Variants in OR51B5 observed in about 807,000 individuals in gnomAD.
OR51B5 encodes the protein olfactory receptor 51B5.
For synonymous variants in OR51B5, 186 were observed against 144.8 expected (o/e 1.28, Z -2.04); for missense variants, 456 against 374.6 (o/e 1.22, Z -1.79).
At chr11:5,489,152 T>C in intron 1 of OR51B5, 1 of 1,613,996 alleles carries the variant, frequency 6.2e-7, no homozygotes, top group Non-Finnish European at 8.5e-7. Flanking sequence ...AGAATTGGCT[T>C]TGTTGGGCTA....
chr11:5,362,699 G>A (rs535755651), intron 1 of OR51B5: 16 of 222,266 alleles, frequency 7.2e-5, no homozygotes, highest in African/African-American at 2.8e-4. Flanking sequence ...TTTGGCCATC[G>A]ACATGTTCTT....
At chr11:5,453,791 G>A in intron 1 of OR51B5, 1 of 1,614,180 alleles carries the variant, frequency 6.2e-7, no homozygotes, top group Non-Finnish European at 8.5e-7. Flanking sequence ...TAATTCAGAT[G>A]TTTCTTATTC....
intron 1 of OR51B5, among the ~76,000 whole-genome samples, chr11:5,387,336 G>T (rs138812106): frequency 2.0e-5 from 3 of 152,090 alleles, no homozygotes; most frequent in African/African-American, 7.2e-5. Context: ...TTGGCCCCTA[G>T]AAGTCACTGG....
intron 1 of OR51B5, among the ~76,000 whole-genome samples, chr11:5,415,833 A>G (rs2133754836): frequency 6.6e-6 from 1 of 152,208 alleles, no homozygotes; most frequent in South Asian, 2.1e-4. Context: ...TCACAGCTGA[A>G]TTCTACCAGA....
intron 1 of OR51B5, among the ~76,000 whole-genome samples, chr11:5,476,952 G>A (rs898675798): frequency 2.6e-5 from 4 of 152,280 alleles, no homozygotes; most frequent in East Asian, 1.9e-4. Context: ...CAAAGTTTCC[G>A]TTATACAAGA....
At chr11:5,427,241 C>A (rs79114497) in intron 1 of OR51B5, among the ~76,000 whole-genome samples, 6,388 of 152,338 alleles carry the variant, frequency 0.042, 196 homozygotes, top group Middle Eastern at 0.13. Flanking sequence ...TTAATAAATT[C>A]ATATGCCTTT....
chr11:5,393,980 C>T lies in OR51B5; in HGVS notation n.85-47070G>A, dbSNP rs566516075. On this transcript the variant is annotated intron_variant and non_coding_transcript_variant, in intron 1 of 4. Coordinates refer to the OR51B5 transcript ENST00000415970. ...ATTGGCTTCTCCCTAACTTTTTGTT[C>T]CCTTTCCTAGAATATGTTATCTATT... Among the ~76,000 whole-genome samples the T allele has an allele frequency of 6.6e-5, 10 of 152,210 alleles. No homozygotes were observed. The South Asian group carries it at 2.1e-3, about 32-fold the overall frequency.
intron 1 of OR51B5, among the ~76,000 whole-genome samples, chr11:5,427,132 A>C (rs1850463389): frequency 6.6e-6 from 1 of 152,158 alleles, no homozygotes; most frequent in African/African-American, 2.4e-5. Context: ...AATTGCTTAC[A>C]TTTCCCCTTC....
At chr11:5,352,139 T>A in intron 1 of OR51B5, 3 of 1,614,196 alleles carry the variant, frequency 1.9e-6, no homozygotes, top group Non-Finnish European at 2.5e-6. Context: ...GACTTTCTCA[T>A]CATCTTTTTC....
At chr11:5,390,155 T>TGAAGGCTCCCAAGATGA (rs1564797345) in intron 1 of OR51B5, 2 of 1,613,872 alleles carry the variant, frequency 1.2e-6, no homozygotes, top group Non-Finnish European at 1.7e-6. Flanking sequence ...CTTTCAGACA[T>TGAAGGCTCCCAAGATGA]GCACCGCTCC....
chr11:5,460,403 A>C (rs1408533596), intron 1 of OR51B5, among the ~76,000 whole-genome samples: 1 of 152,266 alleles, frequency 6.6e-6, no homozygotes, highest in Non-Finnish European at 1.5e-5. Context: ...GTTTTGAAAA[A>C]AGAAATTCTT....
chr11:5,357,835 A>T (rs1849218782), intron 1 of OR51B5, among the ~76,000 whole-genome samples: 1 of 151,396 alleles, frequency 6.6e-6, no homozygotes, highest in Non-Finnish European at 1.5e-5. Context: ...GGATTAAGAA[A>T]CTCACTCAAA....
At chr11:5,493,146 C>T (rs1851602847) in intron 1 of OR51B5, among the ~76,000 whole-genome samples, 1 of 152,164 alleles carries the variant, frequency 6.6e-6, no homozygotes. Flanking sequence ...AATTGCTGTA[C>T]ACTGGCCATG....
At chr11:5,407,743 T>C (rs369641626) in intron 1 of OR51B5, among the ~76,000 whole-genome samples, 1 of 151,906 alleles carries the variant, frequency 6.6e-6, no homozygotes, top group East Asian at 1.9e-4. Flanking sequence ...TTCTCATGGG[T>C]ACACTTTTAA....
intron 1 of OR51B5, chr11:5,489,389 T>C: frequency 1.2e-6 from 2 of 1,613,928 alleles, no homozygotes; most frequent in Non-Finnish European, 1.7e-6. Context: ...CTCCATGCAG[T>C]CTTTCATCTT....
At chr11:5,410,588 TGA>T (rs1235887825) in intron 1 of OR51B5, among the ~76,000 whole-genome samples, 1 of 152,142 alleles carries the variant, frequency 6.6e-6, no homozygotes, top group African/African-American at 2.4e-5. Context: ...TATTGTTATT[TGA>T]GAGAGTATTT....
intron 1 of OR51B5, chr11:5,403,390 G>T (rs540219483): frequency 2.1e-6 from 1 of 471,328 alleles, no homozygotes; most frequent in African/African-American, 2.0e-5. Flanking sequence ...ATAGTGCACC[G>T]CCTTGGACAT....
intron 1 of OR51B5, among the ~76,000 whole-genome samples, chr11:5,437,387 C>A (rs1372758468): frequency 1.3e-5 from 2 of 152,108 alleles, no homozygotes; most frequent in Non-Finnish European, 2.9e-5. Flanking sequence ...CAGAGACAAC[C>A]CCAGGATTTA....
At chr11:5,505,630 G>A (rs1846361936) in exon 1 of OR51B5, 3 of 445,982 alleles carry the variant, frequency 6.7e-6, no homozygotes, top group East Asian at 8.1e-5. Flanking sequence ...ACATCCTACT[G>A]GAATGGCAGC....
Sources: allele counts gnomAD v4.1 joint callset (sites outside exome capture counted in the v4.1 genomes callset), GRCh38; gene constraint gnomAD v4.1.1; transcripts MANE v1.5; gene names NCBI Gene and HGNC (gene_info 2026-07-23, HGNC 2026-07-21).